Variants in GPC5 observed in about 807,000 individuals in gnomAD.
GPC5 encodes the protein glypican-5.
GPC5 carries 47 observed loss-of-function variants against 53.9 expected under a neutral mutation model. The ratio of observed to expected loss-of-function variants is 0.87; its 90% CI spans 0.69 to 1.11. The LOEUF (loss-of-function observed/expected upper bound fraction) is 1.11. Ranked by LOEUF, GPC5 falls within the 50% of genes most tolerant of loss-of-function variation. The pLI, the probability that GPC5 is intolerant of heterozygous loss-of-function variation, is 0.00. For synonymous variants in GPC5, 286 were observed against 263.3 expected (o/e 1.09, Z -0.84); for missense variants, 748 against 713.1 (o/e 1.05, Z -0.56).
chr13:92,164,646 G>A (rs906279450), intron 7 of GPC5, among the ~76,000 whole-genome samples: 3 of 152,138 alleles, frequency 2.0e-5, no homozygotes, highest in Non-Finnish European at 4.4e-5. Flanking sequence ...GCTGTCAGTG[G>A]ATATACCATT....
chr13:91,562,525 G>T (rs777079126), intron 2 of GPC5, among the ~76,000 whole-genome samples: 11 of 151,882 alleles, frequency 7.2e-5, no homozygotes, highest in Admixed American at 2.0e-4. Flanking sequence ...GAGCAGTGAG[G>T]CTCACCGCAA....
chr13:92,074,625 A>C (rs2138870503), intron 6 of GPC5, among the ~76,000 whole-genome samples: 1 of 152,288 alleles, frequency 6.6e-6, no homozygotes, highest in Non-Finnish European at 1.5e-5. Flanking sequence ...TTTTAATCCC[A>C]GTTCTTGATT....
chr13:91,877,435 C>A (rs2039216266), intron 5 of GPC5, among the ~76,000 whole-genome samples: 1 of 152,184 alleles, frequency 6.6e-6, no homozygotes, highest in South Asian at 2.1e-4. Flanking sequence ...TCAGTGTGAC[C>A]AGGATGTGAG....
chr13:92,451,192 C>T (rs1278014050), intron 7 of GPC5, among the ~76,000 whole-genome samples: 1 of 152,122 alleles, frequency 6.6e-6, no homozygotes, highest in African/African-American at 2.4e-5. Flanking sequence ...AAATAAACAG[C>T]AGCTGTTCTT....
chr13:91,948,183 G>A (rs1270310110), intron 6 of GPC5, among the ~76,000 whole-genome samples: 4 of 149,612 alleles, frequency 2.7e-5, no homozygotes, highest in Non-Finnish European at 5.9e-5. Context: ...AGCCGCGATC[G>A]CACCACTGCA....
intron 7 of GPC5, among the ~76,000 whole-genome samples, chr13:92,252,121 G>A (rs1260858206): frequency 6.6e-6 from 1 of 152,140 alleles, no homozygotes. Context: ...AATTGAGGTA[G>A]CACTCAAGAC....
At chr13:92,815,277 TG>T (rs1877429177) in intron 7 of GPC5, among the ~76,000 whole-genome samples, 1 of 151,866 alleles carries the variant, frequency 6.6e-6, no homozygotes, top group Non-Finnish European at 1.5e-5. Flanking sequence ...AAAGACTCCA[TG>T]AAGAGAGGAT....
At position 92,496,664 on chromosome 13, in the gene GPC5, C is replaced by T. The variant is rs146700293; in HGVS notation, c.1561+351675C>T. Among the ~76,000 whole-genome samples the T allele has an allele frequency of 9.0e-3, 1,368 of 152,188 alleles. 12 individuals carry two copies. Among genetic ancestry groups the T allele is most frequent in the Middle Eastern group, 0.041 (12 of 294 alleles). ...CGACCAAATTCACAGAACTCAGTAC[C>T]GCCAGCACAAAGCTTACTAAGCTTT... On this transcript the variant is annotated intron_variant, in intron 7 of 7. Transcript: ENST00000377067.
intron 7 of GPC5, among the ~76,000 whole-genome samples, chr13:92,858,790 A>G (rs183426294): frequency 2.0e-5 from 3 of 152,130 alleles, no homozygotes; most frequent in African/African-American, 7.2e-5. Flanking sequence ...CTGCACATGT[A>G]CCCCATGAAA....
At chr13:92,228,518 A>T (rs1419870236) in intron 7 of GPC5, among the ~76,000 whole-genome samples, 2 of 152,146 alleles carry the variant, frequency 1.3e-5, no homozygotes, top group African/African-American at 4.8e-5. Flanking sequence ...AATACTAAAC[A>T]TATCCCAAAA....
At position 91,795,544 on chromosome 13, in the gene GPC5, A is replaced by T. The variant is rs191321304; in HGVS notation, c.1280+39124A>T. On this transcript the variant is annotated intron_variant, in intron 5 of 7. Coordinates refer to ENST00000377067, the MANE Select transcript of GPC5 (RefSeq NM_004466.6). Reference sequence around the variant, plus strand: ...GCCAAAGAAAAACACTTAACTCCTTAGATACCCTTCTTACCTTTTCATGTT... The same window carrying T: ...GCCAAAGAAAAACACTTAACTCCTTTGATACCCTTCTTACCTTTTCATGTT... Among the ~76,000 whole-genome samples the T allele has an allele frequency of 2.6e-5, 4 of 152,340 alleles. No individual in the cohort carries two copies. The East Asian group carries it at 5.8e-4, about 22-fold the overall frequency.
intron 6 of GPC5, among the ~76,000 whole-genome samples, chr13:92,092,169 C>A (rs555636914): frequency 6.6e-6 from 1 of 152,262 alleles, no homozygotes; most frequent in South Asian, 2.1e-4. Context: ...GAGCAGCCAA[C>A]AATGAAAATG....
chr13:92,579,572 T>G (rs1316212234), intron 7 of GPC5, among the ~76,000 whole-genome samples: 4 of 151,960 alleles, frequency 2.6e-5, no homozygotes, highest in African/African-American at 9.7e-5. Context: ...AAGGGGACTA[T>G]TGTGTGTGCT....
chr13:92,706,764 TAATTG>T (rs1229572134), intron 7 of GPC5, among the ~76,000 whole-genome samples: 2 of 152,164 alleles, frequency 1.3e-5, no homozygotes, highest in Non-Finnish European at 2.9e-5. Context: ...CAAATCTATT[TAATTG>T]AACTGTACAT....
intron 7 of GPC5, among the ~76,000 whole-genome samples, chr13:92,462,827 C>T (rs986248043): frequency 6.6e-6 from 1 of 151,690 alleles, no homozygotes; most frequent in African/African-American, 2.4e-5. Context: ...AGTGATTCTC[C>T]TGCCTCAGCC....
At chr13:92,038,779 T>A (rs2040918411) in intron 6 of GPC5, among the ~76,000 whole-genome samples, 1 of 151,960 alleles carries the variant, frequency 6.6e-6, no homozygotes, top group African/African-American at 2.4e-5. Context: ...TGAAAAAGAA[T>A]GGGTTACCAA....
chr13:92,139,945 G>T (rs2041817967), intron 6 of GPC5, among the ~76,000 whole-genome samples: 1 of 152,126 alleles, frequency 6.6e-6, no homozygotes, highest in South Asian at 2.1e-4. Context: ...TAGTCATGAT[G>T]GAAGGTGATG....
intron 5 of GPC5, among the ~76,000 whole-genome samples, chr13:91,784,676 A>T (rs927206324): frequency 6.6e-6 from 1 of 150,540 alleles, no homozygotes; most frequent in Non-Finnish European, 1.5e-5. Context: ...GTGAGCTGAG[A>T]TTGCACCATT....
chr13:91,575,717 A>G (rs1298191740), intron 2 of GPC5, among the ~76,000 whole-genome samples: 1 of 152,154 alleles, frequency 6.6e-6, no homozygotes, highest in African/African-American at 2.4e-5. Context: ...TACAATGTAT[A>G]TGAGACCAAT....
Sources: gnomAD v4.1 joint callset for allele counts (sites outside exome capture counted in the v4.1 genomes callset) on GRCh38, gnomAD v4.1.1 for gene constraint, MANE v1.5 for transcripts, NCBI Gene and HGNC (gene_info 2026-07-23, HGNC 2026-07-21) for gene names.